IGF2BP1: variants seen among roughly 807,000 people sequenced by gnomAD.
IGF2BP1 encodes the protein insulin like growth factor 2 mRNA binding protein 1.
IGF2BP1 carries 11 observed loss-of-function variants against 74.9 expected under a neutral mutation model. The observed-to-expected ratio is 0.15, with a 90% CI of 0.09 to 0.24. The LOEUF is 0.24. Ranked by LOEUF, IGF2BP1 falls within the 10% of genes least tolerant of loss-of-function variation. The probability of loss-of-function intolerance (pLI) is 1.00; values close to 1 mark genes in which losing one functional copy is unlikely to be tolerated. For synonymous variants in IGF2BP1, 287 were observed against 281.8 expected (o/e 1.02, Z -0.18); for missense variants, 440 against 757.4 (o/e 0.58, Z 4.92).
intron 5 of IGF2BP1, among the ~76,000 whole-genome samples, chr17:49,034,913 A>C (rs777642906): frequency 1.3e-5 from 2 of 152,190 alleles, no homozygotes. Context: ...TGTCACATAA[A>C]TCCCGTAAGA....
intron 9 of IGF2BP1, among the ~76,000 whole-genome samples, chr17:49,042,902 T>G (rs1370898720): frequency 6.6e-6 from 1 of 152,164 alleles, no homozygotes; most frequent in Non-Finnish European, 1.5e-5. Flanking sequence ...CAGGTTGGTC[T>G]AGAACTCCTG....
At chr17:49,048,517 C>T (rs944545348) in intron 14 of IGF2BP1, among the ~76,000 whole-genome samples, 2 of 151,852 alleles carry the variant, frequency 1.3e-5, no homozygotes, top group Non-Finnish European at 2.9e-5. Flanking sequence ...CTCCCCAAAG[C>T]GCTAGGATTA....
At chr17:49,016,936 A>G (rs1026748068) in intron 2 of IGF2BP1, among the ~76,000 whole-genome samples, 4 of 145,120 alleles carry the variant, frequency 2.8e-5, no homozygotes, top group African/African-American at 1.0e-4. Context: ...TTTCTCAGCT[A>G]CTGCCATCCT....
intron 2 of IGF2BP1, among the ~76,000 whole-genome samples, chr17:49,022,483 G>C (rs1692641698): frequency 6.6e-6 from 1 of 152,118 alleles, no homozygotes. Context: ...GCCTGGAGGG[G>C]CCTGGAGTGG....
At chr17:49,031,406 T>G (rs375843265) in intron 4 of IGF2BP1, among the ~76,000 whole-genome samples, 10 of 152,108 alleles carry the variant, frequency 6.6e-5, no homozygotes, top group African/African-American at 2.4e-4. Flanking sequence ...CTCTGCCTGG[T>G]AAATTTGAAT....
rs1598115578 is a variant in IGF2BP1, at chr17:48,997,635, A to G, written c.-111A>G. ...AACTTCTGGGGTGGGGTGCAAAGAAAGTTTGCGGCTCCTGCCGCCGGCCTC... is the reference window on the plus strand; with the variant it reads ...AACTTCTGGGGTGGGGTGCAAAGAAGGTTTGCGGCTCCTGCCGCCGGCCTC... On this transcript the variant is annotated 5_prime_UTR_variant, in exon 1 of 15. Transcript: ENST00000290341. The surrounding 1 kb of genome is among the most constrained non-coding windows in gnomAD (Gnocchi z 4.8). 2 of 1,202,708 alleles carry G rather than the reference A, an allele frequency of 1.7e-6. No homozygotes were observed. The highest frequency in any genetic ancestry group is 2.4e-5 in the East Asian group (1 of 41,358). The allele number at this position is 1,202,708 out of a possible 1,614,324, so 74.5% of individuals were successfully genotyped here. A position where few individuals can be genotyped will look rare whatever the true frequency, so the allele number is the denominator to read the frequency against.
At chr17:49,021,909 C>T (rs1204824154) in intron 2 of IGF2BP1, among the ~76,000 whole-genome samples, 2 of 152,156 alleles carry the variant, frequency 1.3e-5, no homozygotes, top group Non-Finnish European at 2.9e-5. Flanking sequence ...GGGGGTGGGG[C>T]TCTAGGCAGT....
At chr17:49,017,299 C>T (rs1407230313) in intron 2 of IGF2BP1, among the ~76,000 whole-genome samples, 2 of 152,176 alleles carry the variant, frequency 1.3e-5, no homozygotes, top group Non-Finnish European at 2.9e-5. Context: ...CAAATCAAAT[C>T]AAACCAGGTC....
At chr17:49,024,533 A>G (rs2041829289) in intron 2 of IGF2BP1, among the ~76,000 whole-genome samples, 1 of 152,182 alleles carries the variant, frequency 6.6e-6, no homozygotes, top group South Asian at 2.1e-4. Context: ...CTTAGTATTC[A>G]CAGATACATC....
intron 2 of IGF2BP1, among the ~76,000 whole-genome samples, chr17:49,015,745 A>G (rs2041692697): frequency 6.6e-6 from 1 of 152,178 alleles, no homozygotes; most frequent in South Asian, 2.1e-4. Flanking sequence ...TTGTCTGGAA[A>G]GAGCTGGACT....
intron 2 of IGF2BP1, among the ~76,000 whole-genome samples, chr17:49,010,936 G>A (rs955423248): frequency 2.0e-5 from 3 of 151,342 alleles, no homozygotes; most frequent in South Asian, 2.1e-4. Context: ...GAAGAGCCTC[G>A]TGGACCAGCC....
chr17:49,041,465 A>G lies in IGF2BP1; in HGVS notation c.906A>G (p.Val302=). 6.2e-7 allele frequency: 1 copy of G among 1,614,186 alleles called. No homozygotes were observed. Among genetic ancestry groups the G allele is most frequent in the South Asian group, 1.1e-5 (1 of 91,074 alleles). Residue 302 remains valine, a synonymous_variant, in exon 8 of 15, where the codon GTA becomes GTG. Transcript: ENST00000290341. ...AGGAAGGACGGAACCTGAAGAAGGT[A>G]GAGCAAGATACCGAGACAAAAATCA... ...IGKEGRNLKK[V]EQDTETKITI... is the part of the protein sequence containing the mutation.
rs895447582 is a variant in IGF2BP1, at chr17:49,055,082, A to T, written c.*5638A>T. On this transcript the variant is annotated 3_prime_UTR_variant, in exon 15 of 15. Coordinates refer to ENST00000290341, the MANE Select transcript of IGF2BP1 (RefSeq NM_006546.4). ...ACTTGCTTAGGTTAGGGGGGGAAAAAGATTTCTTTTTCCAAAGGAAAAAAA... is the reference window on the plus strand; with the variant it reads ...ACTTGCTTAGGTTAGGGGGGGAAAATGATTTCTTTTTCCAAAGGAAAAAAA... 1 of 151,916 alleles carries T rather than the reference A, an allele frequency of 6.6e-6. No homozygotes were observed. The highest frequency in any genetic ancestry group is 1.5e-5 in the Non-Finnish European group (1 of 67,924). The allele number at this position is 151,916 out of a possible 1,614,324, so 9.4% of individuals were successfully genotyped here.
At chr17:49,002,676 TTTC>T (rs1433896221) in intron 2 of IGF2BP1, among the ~76,000 whole-genome samples, 1 of 152,066 alleles carries the variant, frequency 6.6e-6, no homozygotes, top group African/African-American at 2.4e-5. Flanking sequence ...TTAAAAAGGT[TTTC>T]TTATTAATAT....
chr17:49,025,501 G>A, intron 2 of IGF2BP1, 117 bp from the exon 3 acceptor site: 1 of 861,432 alleles, frequency 1.2e-6, no homozygotes. Context: ...TAAGACTATG[G>A]TGTTGGTGAG....
intron 14 of IGF2BP1, among the ~76,000 whole-genome samples, chr17:49,047,027 G>A (rs1336932670): frequency 6.6e-6 from 1 of 152,210 alleles, no homozygotes; most frequent in Non-Finnish European, 1.5e-5. Context: ...ATCATTGTTA[G>A]AACTGGAAAG....
At chr17:49,014,806 G>A (rs2041673462) in intron 2 of IGF2BP1, 3 of 985,392 alleles carry the variant, frequency 3.0e-6, no homozygotes, top group Non-Finnish European at 3.6e-6. Context: ...AGGAGCACGG[G>A]GATGTCTGCC....
intron 2 of IGF2BP1, chr17:49,004,902 C>T (rs2041530893): frequency 6.6e-6 from 1 of 152,152 alleles, no homozygotes; most frequent in Non-Finnish European, 1.5e-5. Flanking sequence ...AAAAATGATC[C>T]TGTAAGATAC....
Position 48,997,924 on chromosome 17 carries a change from A to G in IGF2BP1, c.175+4A>G, listed in dbSNP as rs1349950615. ...AAGGCCATCGAAACTTTCTCCGGTA[A>G]GAACACAGCCACCTCCCGGAAAAGC... On this transcript the variant is annotated splice_donor_region_variant and intron_variant, in intron 1 of 14. Coordinates refer to ENST00000290341, the MANE Select transcript of IGF2BP1 (RefSeq NM_006546.4). This position sits in a 1 kb window ranked among gnomAD's most constrained non-coding sequence, Gnocchi z 4.8. The G allele has an allele frequency of 1.2e-6, 2 of 1,613,144 alleles. No individual in the cohort carries two copies. Among genetic ancestry groups the G allele is most frequent in the Non-Finnish European group, 1.7e-6 (2 of 1,179,612 alleles).
Sources: gnomAD v4.1 joint callset for allele counts (sites outside exome capture counted in the v4.1 genomes callset) on GRCh38, gnomAD v4.1.1 for gene constraint, Gnocchi (gnomAD v3.1) non-coding constraint, MANE v1.5 for transcripts, NCBI Gene and HGNC (gene_info 2026-07-23, HGNC 2026-07-21) for gene names.